MKI67: variants seen among roughly 807,000 people sequenced by gnomAD.
The protein encoded by MKI67 is marker of proliferation Ki-67, also known as proliferation marker protein Ki-67.
Under a neutral mutation model 233.5 loss-of-function variants are expected in MKI67, and 152 were observed. That is an observed-to-expected ratio of 0.65 (90% CI 0.57 to 0.74). MKI67 has a LOEUF of 0.74. Among genes scored for constraint, MKI67 ranks in the 30% least tolerant of loss-of-function variants. The pLI is 0.00. For synonymous variants in MKI67, 1,465 were observed against 1,418.5 expected (o/e 1.03, Z -0.74); for missense variants, 3,940 against 3,885.2 (o/e 1.01, Z -0.37).
At position 128,102,517 on chromosome 10, in the gene MKI67, T is replaced by G. The variant is rs1040522577; in HGVS notation, c.9261+62A>C. The G allele has an allele frequency of 7.7e-6, 12 of 1,564,686 alleles. No individual in the cohort carries two copies. The Admixed American group carries it at 1.1e-4, about 14-fold the overall frequency. Reference sequence around the variant, plus strand: ...ATAACGTCAGGTTACATGCAAAGTATAACACAGAAATTCACAACTATCCAA... The same window carrying G: ...ATAACGTCAGGTTACATGCAAAGTAGAACACAGAAATTCACAACTATCCAA... On this transcript the variant is annotated intron_variant, in intron 13 of 14. Coordinates refer to ENST00000368654, the MANE Select transcript of MKI67 (RefSeq NM_002417.5).
chr10:128,104,324 C>T lies in MKI67; in HGVS notation c.7516G>A (p.Gly2506Arg), dbSNP rs1482844454. 1.9e-6 allele frequency: 3 copies of T among 1,614,200 alleles called. No homozygotes were observed. The highest frequency in any genetic ancestry group is 1.6e-4 in the Middle Eastern group (1 of 6,062). ...TCTGTGTGTGTTTGCGTAGTCTCCC[C>T]TGATGTCCGTGTGAGCTTGCTGACT... ...LAVSKLTRTS[G>R]ETTQTHTEPT... The change falls in exon 13 of 15, where the codon GGG (glycine) becomes AGG (arginine). Residue 2506 changes from glycine (G) to arginine (R), a missense_variant. Gly to Arg is a moderately radical substitution (Grantham distance 125). Transcript: ENST00000368654.
intron 13 of MKI67, among the ~76,000 whole-genome samples, chr10:128,102,125 G>A (rs1429634129): frequency 6.6e-6 from 1 of 152,180 alleles, no homozygotes; most frequent in African/African-American, 2.4e-5. Context: ...TGCATGCAGT[G>A]GGAGCCTCTC....
chr10:128,103,851 C>A lies in MKI67; in HGVS notation c.7989G>T (p.Arg2663Ser). The A allele has an allele frequency of 6.2e-7, 1 of 1,614,060 alleles. No individual in the cohort carries two copies. The highest frequency in any genetic ancestry group is 8.5e-7 in the Non-Finnish European group (1 of 1,180,010). ...TTTCCTTAGGTGCTCTTGGCCTTCTCCTGCTGGGTTCCTCTTCTACTGGGT... is the reference window on the plus strand; with the variant it reads ...TTTCCTTAGGTGCTCTTGGCCTTCTACTGCTGGGTTCCTCTTCTACTGGGT... Reference protein sequence around the residue: ...KPNPVEEEPSRRRPRAPKEKA... With the variant: ...KPNPVEEEPSSRRPRAPKEKA... The change falls in exon 13 of 15, where the codon AGG becomes AGT. Residue 2663 changes from arginine to serine, a missense_variant. Physicochemically the swap from Arg to Ser is moderately radical, Grantham distance 110. Coordinates refer to ENST00000368654, the MANE Select transcript of MKI67 (RefSeq NM_002417.5).
intron 6 of MKI67, 21 bp from the exon 7 acceptor site, chr10:128,116,028 T>C: frequency 6.5e-7 from 1 of 1,543,916 alleles, no homozygotes; most frequent in Non-Finnish European, 8.7e-7. Context: ...AATTATGAAA[T>C]AAGAAACAGA....
rs750060821 is a variant in MKI67, at chr10:128,107,585, G to T, written c.4255C>A (p.His1419Asn). ...TCACCTCCTGGTACTTTATCTGTGT[G>T]TGTGGTTTCCCCTGATGTCTGTGTG... ...KLTQTSGETT[H>N]TDKVPGGEDK... The change falls in exon 13 of 15, where the codon CAC (histidine) becomes AAC (asparagine). Residue 1419 changes from histidine (H) to asparagine (N), a missense_variant. Physicochemically the swap from His to Asn is moderately conservative, Grantham distance 68. Coordinates refer to ENST00000368654, the MANE Select transcript of MKI67 (RefSeq NM_002417.5). 29 of 1,614,022 alleles carry T rather than the reference G, an allele frequency of 1.8e-5. No individual in the cohort carries two copies. Among genetic ancestry groups the T allele is most frequent in the Non-Finnish European group, 2.4e-5 (28 of 1,180,050 alleles).
At chr10:128,119,188 A>G in intron 5 of MKI67, 65 bp downstream of exon 5, 1 of 1,149,076 alleles carries the variant, frequency 8.7e-7, no homozygotes, top group South Asian at 1.3e-5. Context: ...GAAATCATTA[A>G]AGCATACATA....
intron 7 of MKI67, among the ~76,000 whole-genome samples, chr10:128,113,865 T>A (rs1204386011): frequency 2.6e-5 from 4 of 152,058 alleles, no homozygotes; most frequent in African/African-American, 4.8e-5. Context: ...TGTGTGGACA[T>A]AGAAAGGAGG....
chr10:128,101,726 A>G (rs1282294500), intron 13 of MKI67, 25 bp from the exon 14 acceptor site: 2 of 1,541,884 alleles, frequency 1.3e-6, no homozygotes, highest in South Asian at 2.5e-5. Flanking sequence ...AGACATCCAC[A>G]AAATTCCAAT....
rs139442255 is a variant in MKI67 at position 128,109,230 on chromosome 10, G to A, written c.2610C>T (p.Ser870=). The change falls in exon 13 of 15, where the codon TCC becomes TCT. Residue 870 remains serine (S), a synonymous_variant. Coordinates refer to ENST00000368654, the MANE Select transcript of MKI67 (RefSeq NM_002417.5). Reference sequence around the variant, plus strand: ...TAGACCTTCCTGACCTGTTTGCAGTGGATACTGTTTTTGAAGGCTCTGTCT... The same window carrying A: ...TAGACCTTCCTGACCTGTTTGCAGTAGATACTGTTTTTGAAGGCTCTGTCT... ...DTETEPSKTV[S]TANRSGRSTE... The A allele has an allele frequency of 2.2e-4, 350 of 1,614,086 alleles. No individual in the cohort carries two copies. The highest frequency in any genetic ancestry group is 3.5e-4 in the Admixed American group (21 of 60,010).
At chr10:128,101,827 T>A in intron 13 of MKI67, 126 bp from the exon 14 acceptor site, 2 of 752,684 alleles carry the variant, frequency 2.7e-6, no homozygotes, top group South Asian at 3.9e-5. Context: ...CACTGATGAA[T>A]TGTCTAAGAG....
intron 3 of MKI67, 40 bp downstream of exon 3, chr10:128,123,051 T>G (rs370712088): frequency 8.1e-5 from 129 of 1,586,052 alleles, no homozygotes; most frequent in Middle Eastern, 3.3e-4. Context: ...AAAAGTGAAC[T>G]AAAAAGCTTT....
rs755712661 is a variant in MKI67 at position 128,104,414 on chromosome 10, T to C, written c.7426A>G (p.Arg2476Gly). 21 of 1,614,116 alleles carry C rather than the reference T, an allele frequency of 1.3e-5. No homozygotes were observed. Among genetic ancestry groups the C allele is most frequent in the Non-Finnish European group, 1.8e-5 (21 of 1,180,020 alleles). The stretch of plus-strand genomic sequence containing the variant: ...ATCTTGAGCCTTTGCTTGGAGCTTC[T>C]TGAGGTTTTGAATGACTCTGGCTGT... Reference protein sequence around the residue: ...SPQPESFKTSRSSKQRLKIPL... With the variant: ...SPQPESFKTSGSSKQRLKIPL... The change falls in exon 13 of 15, where the codon AGA (arginine) becomes GGA (glycine). Residue 2476 changes from arginine (R) to glycine (G), a missense_variant. Coordinates refer to ENST00000368654, the MANE Select transcript of MKI67 (RefSeq NM_002417.5).
chr10:128,105,400 T>C lies in MKI67; in HGVS notation c.6440A>G (p.Asp2147Gly). Reference sequence around the variant, plus strand: ...TTTATCCTCATCTCCTGGTACTTTGTCTGTGTGTGTGGTCTGTGTGAGCTG... The same window carrying C: ...TTTATCCTCATCTCCTGGTACTTTGCCTGTGTGTGTGGTCTGTGTGAGCTG... ...LKQLTQTTHTDKVPGDEDKGI... is the reference protein window; with the variant it reads ...LKQLTQTTHTGKVPGDEDKGI... The change falls in exon 13 of 15, where the codon GAC (aspartate) becomes GGC (glycine). Residue 2147 changes from aspartate to glycine, a missense_variant. Physicochemically the swap from Asp to Gly is moderately conservative, Grantham distance 94. Transcript: ENST00000368654. 6.2e-7 allele frequency: 1 copy of C among 1,614,176 alleles called. No homozygotes were observed. Among genetic ancestry groups the C allele is most frequent in the Non-Finnish European group, 8.5e-7 (1 of 1,180,016 alleles).
At chr10:128,109,917 T>C (rs1453815078) in intron 12 of MKI67, among the ~76,000 whole-genome samples, 1 of 152,190 alleles carries the variant, frequency 6.6e-6, no homozygotes, top group African/African-American at 2.4e-5. Context: ...CAGTGCCAAA[T>C]GAGAGATTAG....
At position 128,109,101 on chromosome 10, in the gene MKI67, T is replaced by C. The variant is rs1189521111; in HGVS notation, c.2739A>G (p.Leu913=). ...CILKRGQKAT[L]LQQRREGEMK... ...TCTCTCCTTCTCTCCTTTGTTGTAG[T>C]AGTGTTGCCTTCTGACCTCTTTTTA... The change falls in exon 13 of 15, where the codon CTA becomes CTG. Residue 913 remains leucine (L), a synonymous_variant. Transcript: ENST00000368654. 4.3e-6 allele frequency: 7 copies of C among 1,614,156 alleles called. No homozygotes were observed. The highest frequency in any genetic ancestry group is 5.9e-6 in the Non-Finnish European group (7 of 1,180,056).
rs754001305 is a variant in MKI67 at position 128,101,680 on chromosome 10, G to A, written c.9283C>T (p.Arg3095Cys). ...ENKGISLRSR[R>C]QNKTEAEQQI... ...TGTTCTGCCTCAGTCTTATTTTGGC[G>A]TCTGGAGCGCAGGGATATTCCCTAA... The change falls in exon 14 of 15, where the codon CGC becomes TGC. Residue 3095 changes from arginine (R) to cysteine (C), a missense_variant. Transcript: ENST00000368654. 122 of 1,602,434 alleles carry A rather than the reference G, an allele frequency of 7.6e-5. 1 individual carries two copies. Among genetic ancestry groups the A allele is most frequent in the Middle Eastern group, 3.3e-4 (2 of 6,000 alleles).
rs1469894904 is a variant in MKI67 at position 128,125,796 on chromosome 10, TAAG to T, written c.-89-43_-89-41del. 2 of 789,662 alleles carry T rather than the reference TAAG, an allele frequency of 2.5e-6. No individual in the cohort carries two copies. The highest frequency in any genetic ancestry group is 4.3e-6 in the Non-Finnish European group (2 of 461,752). The allele number at this position is 789,662 out of a possible 1,614,324, so 48.9% of individuals were successfully genotyped here. On this transcript the variant is annotated intron_variant, in intron 1 of 14. Coordinates refer to ENST00000368654, the MANE Select transcript of MKI67 (RefSeq NM_002417.5). The surrounding 1 kb of genome is among the most constrained non-coding windows in gnomAD (Gnocchi z 5.3). ...CGAGTTACTCTGATAGCAAAGGAGCTAAGAAGGGCCCCGTGCCCAATTCACCTA... is the reference window on the plus strand; with the variant it reads ...CGAGTTACTCTGATAGCAAAGGAGCTAAGGGCCCCGTGCCCAATTCACCTA...
intron 7 of MKI67, 91 bp downstream of exon 7, chr10:128,114,837 A>C: frequency 7.9e-7 from 1 of 1,273,178 alleles, no homozygotes; most frequent in Non-Finnish European, 1.1e-6. Context: ...TCTTCCACAA[A>C]GCTAATCACT....
rs1450889974 is a variant in MKI67, at chr10:128,097,808, G to T, written c.*1382C>A. 6.6e-6 allele frequency: 1 copy of T among 152,334 alleles called. No homozygotes were observed. Among genetic ancestry groups the T allele is most frequent in the Non-Finnish European group, 1.5e-5 (1 of 68,208 alleles). The allele number at this position is 152,334 out of a possible 1,614,324, so 9.4% of individuals were successfully genotyped here. ...CCCTTTCTATTCCCTCCCTCAAGCA[G>T]AATGTCATTCTCCCTTACGATCATG... On this transcript the variant is annotated 3_prime_UTR_variant, in exon 15 of 15. Transcript: ENST00000368654.
Sources: gnomAD v4.1 joint callset for allele counts (sites outside exome capture counted in the v4.1 genomes callset) on GRCh38, gnomAD v4.1.1 for gene constraint, Gnocchi (gnomAD v3.1) non-coding constraint, MANE v1.5 for transcripts, NCBI Gene and HGNC (gene_info 2026-07-23, HGNC 2026-07-21) for gene names.